The following ANK3 variants were observed in gnomAD, a reference collection of about 807,000 sequenced individuals.
ANK3 encodes the protein ankyrin-3.
In ANK3, 57 loss-of-function variants were observed where a neutral mutation model predicts 370.9. The observed-to-expected ratio is 0.15, with a 90% CI of 0.12 to 0.19. The LOEUF (loss-of-function observed/expected upper bound fraction) is 0.19. Among genes scored for constraint, ANK3 ranks in the 10% least tolerant of loss-of-function variants. The pLI, the probability that ANK3 is intolerant of heterozygous loss-of-function variation, is 1.00. For synonymous variants in ANK3, 1,929 were observed against 1,946.3 expected (o/e 0.99, Z 0.23); for missense variants, 4,439 against 5,302.1 (o/e 0.84, Z 5.06).
At chr10:60,323,259 G>A (rs1043897425) in intron 1 of ANK3, among the ~76,000 whole-genome samples, 3 of 152,204 alleles carry the variant, frequency 2.0e-5, no homozygotes, top group Non-Finnish European at 4.4e-5. Context: ...AGAAGTCCCT[G>A]AGAAGTGAAC....
intron 2 of ANK3, among the ~76,000 whole-genome samples, chr10:60,530,605 C>T (rs546800374): frequency 6.6e-6 from 1 of 152,104 alleles, no homozygotes; most frequent in Non-Finnish European, 1.5e-5. Context: ...GCCCTATGTG[C>T]CTTCCTCACC....
chr10:60,382,337 T>C (rs2132837168), intron 1 of ANK3, among the ~76,000 whole-genome samples: 1 of 152,302 alleles, frequency 6.6e-6, no homozygotes, highest in South Asian at 2.1e-4. Flanking sequence ...TGAATGGTAG[T>C]CTCTGTTCTT....
chr10:60,287,088 C>T (rs901426503), intron 1 of ANK3, among the ~76,000 whole-genome samples: 1 of 152,036 alleles, frequency 6.6e-6, no homozygotes, highest in Non-Finnish European at 1.5e-5. Context: ...CATTTGGAGC[C>T]CAGGTTAATG....
rs1341170462 is a variant in ANK3, at chr10:60,196,591, T to C, written c.1724A>G (p.Tyr575Cys). The C allele has an allele frequency of 1.2e-6, 2 of 1,610,886 alleles. No individual in the cohort carries two copies. The highest frequency in any genetic ancestry group is 1.7e-6 in the Non-Finnish European group (2 of 1,179,312). The change falls in exon 15 of 44, where the codon TAT (tyrosine) becomes TGT (cysteine). Residue 575 changes from tyrosine (Y) to cysteine (C), a missense_variant. Tyr to Cys is a radical substitution (Grantham distance 194). Around this residue, in one of 13 missense-constraint regions of ANK3, gnomAD observed 192 missense variants for 192.1 expected, o/e 1.00. Coordinates refer to ENST00000280772, the MANE Select transcript of ANK3 (RefSeq NM_020987.5). ...GAGATTGGCGACTTCAAGCTTTCCA[T>C]ATTTTGCTGCCACATGAAGAGGAGT... is the stretch of plus-strand genomic sequence containing the variant. ...GFTPLHVAAKYGKLEVANLLL... is the reference protein window; with the variant it reads ...GFTPLHVAAKCGKLEVANLLL...
chr10:60,469,625 G>A (rs1270303017), intron 2 of ANK3, among the ~76,000 whole-genome samples: 1 of 1,772 alleles, frequency 5.6e-4, no homozygotes, highest in African/African-American at 2.6e-3. Flanking sequence ...ATATATGGTG[G>A]TATATATATA....
At chr10:60,342,717 A>G (rs577903253) in intron 1 of ANK3, among the ~76,000 whole-genome samples, 3 of 152,302 alleles carry the variant, frequency 2.0e-5, no homozygotes, top group South Asian at 4.1e-4. Context: ...GGCTGGATGT[A>G]GAATCTAGGC....
At chr10:60,056,987 T>C (rs1317328688) in intron 41 of ANK3, among the ~76,000 whole-genome samples, 1 of 152,204 alleles carries the variant, frequency 6.6e-6, no homozygotes, top group East Asian at 1.9e-4. Context: ...ATTGAGCTAC[T>C]GTACAAAAAA....
chr10:60,275,636 T>A (rs1029288577), intron 4 of ANK3, among the ~76,000 whole-genome samples: 1 of 152,150 alleles, frequency 6.6e-6, no homozygotes, highest in Non-Finnish European at 1.5e-5. Flanking sequence ...CCCATACTTG[T>A]ACTGTCTAAC....
At chr10:60,653,511 T>A (rs2078820456) in intron 1 of ANK3, among the ~76,000 whole-genome samples, 1 of 152,194 alleles carries the variant, frequency 6.6e-6, no homozygotes, top group Admixed American at 6.5e-5. Flanking sequence ...GATGCATGTA[T>A]CTCTCCTTTC....
chr10:60,063,484 T>C (rs887339839), intron 39 of ANK3, among the ~76,000 whole-genome samples: 4 of 152,210 alleles, frequency 2.6e-5, no homozygotes, highest in African/African-American at 9.6e-5. Context: ...ACAGTGCGGA[T>C]GGGCCTTAAA....
At chr10:60,542,002 C>T (rs531754014) in intron 2 of ANK3, among the ~76,000 whole-genome samples, 1 of 151,822 alleles carries the variant, frequency 6.6e-6, no homozygotes, top group Non-Finnish European at 1.5e-5. Flanking sequence ...CATAGATTAG[C>T]GTGCTCTTAA....
intron 41 of ANK3, 21 bp downstream of exon 41, chr10:60,059,319 C>CT (rs779992411): frequency 1.7e-5 from 28 of 1,603,764 alleles, no homozygotes; most frequent in Middle Eastern, 1.6e-4. Flanking sequence ...GTTCACTTTC[C>CT]TTTTTTTGAA....
chr10:60,324,353 T>C (rs781165555), intron 1 of ANK3, among the ~76,000 whole-genome samples: 3 of 152,184 alleles, frequency 2.0e-5, no homozygotes, highest in Non-Finnish European at 4.4e-5. Flanking sequence ...ATCTCCAGTT[T>C]AAGATTTTAC....
chr10:60,246,224 C>T (rs2097549191), intron 7 of ANK3, among the ~76,000 whole-genome samples: 2 of 139,474 alleles, frequency 1.4e-5, no homozygotes, highest in South Asian at 2.2e-4. Context: ...CCACTGCACG[C>T]CAGCCTGGGC....
intron 1 of ANK3, among the ~76,000 whole-genome samples, chr10:60,315,346 T>C (rs2047179737): frequency 6.6e-6 from 1 of 152,204 alleles, no homozygotes; most frequent in Non-Finnish European, 1.5e-5. Context: ...TTAAAGTCTA[T>C]GTAACTTTCA....
intron 11 of ANK3, among the ~76,000 whole-genome samples, chr10:60,203,454 A>G (rs868838592): frequency 6.6e-6 from 1 of 152,148 alleles, no homozygotes; most frequent in Non-Finnish European, 1.5e-5. Flanking sequence ...GTGTGTGTGT[A>G]GAAGGAGGAG....
intron 2 of ANK3, among the ~76,000 whole-genome samples, chr10:60,535,230 C>T (rs1481376671): frequency 6.6e-6 from 1 of 152,078 alleles, no homozygotes; most frequent in African/African-American, 2.4e-5. Context: ...CACTCAGTAT[C>T]AGTGGGCTTT....
In ANK3 at chr10:60,357,488, C is replaced by T. The variant is rs1050296059; in HGVS notation, c.114+31937G>A. ...TATTCTATGACCTCCTCTGTAATCACTTCCTTTATATGCTTTGCTCTCAGC... is the reference window on the plus strand; with the variant it reads ...TATTCTATGACCTCCTCTGTAATCATTTCCTTTATATGCTTTGCTCTCAGC... On this transcript the variant is annotated intron_variant, in intron 1 of 43. Coordinates refer to ENST00000280772, the MANE Select transcript of ANK3 (RefSeq NM_020987.5). Among the ~76,000 whole-genome samples the T allele has an allele frequency of 3.9e-5, 6 of 152,120 alleles. No individual in the cohort carries two copies. In the East Asian group the frequency reaches 1.2e-3, roughly 29 times the overall value.
chr10:60,234,822 T>C (rs1483338888), intron 7 of ANK3, 36 bp from the exon 8 acceptor site: 2 of 1,474,614 alleles, frequency 1.4e-6, no homozygotes. Context: ...ATTTGATATT[T>C]TTGGTTTCAA....
Sources: allele counts gnomAD v4.1 joint callset (sites outside exome capture counted in the v4.1 genomes callset), GRCh38; gene constraint gnomAD v4.1.1; regional missense constraint gnomAD v4.1.1; transcripts MANE v1.5; gene names NCBI Gene and HGNC (gene_info 2026-07-23, HGNC 2026-07-21).